The following FARP1 variants were observed in gnomAD, a reference collection of about 807,000 sequenced individuals.
FARP1 encodes the protein FERM, ARH/RhoGEF and pleckstrin domain protein 1.
In FARP1, 52 loss-of-function variants were observed where a neutral mutation model predicts 128.8. The observed-to-expected ratio is 0.40, with a 90% CI of 0.32 to 0.51. FARP1 has a LOEUF of 0.51. Ranked by LOEUF, FARP1 falls within the 20% of genes least tolerant of loss-of-function variation. The pLI, the probability that FARP1 is intolerant of heterozygous loss-of-function variation, is 0.45. For missense variants in FARP1, 1,333 were observed against 1,367.9 expected, an observed-to-expected ratio of 0.97 and a Z score of 0.40; for synonymous variants, 580 against 551.8, an observed-to-expected ratio of 1.05 and a Z score of -0.72.
chr13:98,272,611 C>A (rs931008624), intron 2 of FARP1, among the ~76,000 whole-genome samples: 2 of 152,068 alleles, frequency 1.3e-5, no homozygotes, highest in African/African-American at 4.8e-5. Context: ...TTTGCCAGCT[C>A]TAAAATCAGT....
intron 3 of FARP1, among the ~76,000 whole-genome samples, chr13:98,353,202 C>T (rs182981767): frequency 2.7e-4 from 41 of 152,072 alleles, no homozygotes; most frequent in African/African-American, 9.4e-4. Context: ...GGCAAAATAA[C>T]ACATTACAGA....
At chr13:98,398,123 T>C (rs1163806608) in intron 13 of FARP1, 1 of 152,180 alleles carries the variant, frequency 6.6e-6, no homozygotes, top group Non-Finnish European at 1.5e-5. Flanking sequence ...GAGGATCGGC[T>C]CGTCTCATTG....
chr13:98,191,697 C>T (rs550703636), intron 1 of FARP1, among the ~76,000 whole-genome samples: 136 of 152,248 alleles, frequency 8.9e-4, no homozygotes, highest in Non-Finnish European at 4.1e-4. Context: ...AATCCCAGCA[C>T]TTTGGGAGGC....
intron 2 of FARP1, chr13:98,340,992 A>G (rs181636332): frequency 6.6e-6 from 1 of 152,328 alleles, no homozygotes; most frequent in Non-Finnish European, 1.5e-5. Flanking sequence ...ACGCAGTCAC[A>G]TGTGACTCCT....
At chr13:98,402,386 G>T (rs1432186391) in intron 13 of FARP1, 3 of 152,434 alleles carry the variant, frequency 2.0e-5, no homozygotes, top group Admixed American at 6.5e-5. Context: ...TGGTGTGGGG[G>T]TTGTGAGGGA....
At chr13:98,370,058 A>T (rs181513798) in intron 5 of FARP1, among the ~76,000 whole-genome samples, 14 of 152,386 alleles carry the variant, frequency 9.2e-5, no homozygotes, top group East Asian at 7.7e-4. Context: ...ACAAGATAAT[A>T]TCAGATAGCG....
At chr13:98,146,234 AT>A (rs58173313) in intron 1 of FARP1, among the ~76,000 whole-genome samples, 96,136 of 150,818 alleles carry the variant, frequency 0.64, 30,661 homozygotes, top group East Asian at 0.79. Context: ...TACTTGCCTG[AT>A]TTTTTTTTTT....
chr13:98,408,129 A>G (rs1167129590), intron 13 of FARP1, among the ~76,000 whole-genome samples: 1 of 152,176 alleles, frequency 6.6e-6, no homozygotes, highest in Non-Finnish European at 1.5e-5. Context: ...TGCTTACCTC[A>G]TATTAGCTCT....
chr13:98,179,512 T>A (rs1878350973), intron 1 of FARP1, among the ~76,000 whole-genome samples: 1 of 152,116 alleles, frequency 6.6e-6, no homozygotes, highest in African/African-American at 2.4e-5. Flanking sequence ...GCTGCCAGAA[T>A]TCTGTGATAA....
chr13:98,330,380 T>G (rs1298279577), intron 2 of FARP1, among the ~76,000 whole-genome samples: 3 of 152,120 alleles, frequency 2.0e-5, no homozygotes, highest in Admixed American at 2.0e-4. Context: ...GAGAAGCTAT[T>G]TGGAAATTGT....
At chr13:98,306,216 C>T (rs1458737780) in intron 2 of FARP1, among the ~76,000 whole-genome samples, 1 of 152,214 alleles carries the variant, frequency 6.6e-6, no homozygotes, top group Non-Finnish European at 1.5e-5. Context: ...TGTGATTTAA[C>T]TAAACCAGAG....
intron 2 of FARP1, among the ~76,000 whole-genome samples, chr13:98,218,585 C>T (rs1881233592): frequency 6.6e-6 from 1 of 152,142 alleles, no homozygotes; most frequent in South Asian, 2.1e-4. Flanking sequence ...CCCCCAAAGC[C>T]TGATTAGACA....
chr13:98,388,936 A>G (rs1276908238), intron 9 of FARP1, among the ~76,000 whole-genome samples: 8 of 152,116 alleles, frequency 5.3e-5, no homozygotes, highest in Admixed American at 5.2e-4. Flanking sequence ...TTCCCCACTT[A>G]CTTCCCACAA....
intron 1 of FARP1, among the ~76,000 whole-genome samples, chr13:98,165,682 A>T (rs1329570511): frequency 2.2e-4 from 2 of 9,080 alleles, no homozygotes; most frequent in Non-Finnish European, 0.059. Flanking sequence ...TCATCATTAA[A>T]AAAAAAAAAA....
In FARP1 at chr13:98,224,134, G is replaced by A. The variant is rs569502537; in HGVS notation, c.171+10721G>A. On this transcript the variant is annotated intron_variant, in intron 2 of 26. Transcript: ENST00000319562. ...AGCAAGACCAGAGGGCATTTGTGGAGTTGTTAGGTTATCACAACAATACCT... is the reference window on the plus strand; with the variant it reads ...AGCAAGACCAGAGGGCATTTGTGGAATTGTTAGGTTATCACAACAATACCT... 8.3e-4 allele frequency among the ~76,000 whole-genome samples: 126 copies of A among 152,320 alleles called. 1 individual carries two copies. The South Asian group carries it at 0.024, about 29-fold the overall frequency.
chr13:98,414,251 A>T lies in FARP1; in HGVS notation c.1826+2217A>T, dbSNP rs117600657. Among the ~76,000 whole-genome samples, 888 of 152,356 alleles carry T rather than the reference A, an allele frequency of 5.8e-3. 4 individuals are homozygous for T. The highest frequency in any genetic ancestry group is 7.7e-3 in the Non-Finnish European group (521 of 68,028). On this transcript the variant is annotated intron_variant, in intron 16 of 26. Coordinates refer to ENST00000319562, the MANE Select transcript of FARP1 (RefSeq NM_005766.4). ...TGTAACCCATGTTTTACAGAAAGAC[A>T]TCAGAAGCATGTAAAGTTCTCAAAG... is the stretch of plus-strand genomic sequence containing the variant.
intron 6 of FARP1, chr13:98,383,953 G>C (rs1420295321): frequency 6.6e-6 from 1 of 152,110 alleles, no homozygotes; most frequent in Admixed American, 6.6e-5. Context: ...TGCACCCACT[G>C]ACGTTCCTCT....
In FARP1 at chr13:98,393,275, T is replaced by G. The variant is rs189911251; in HGVS notation, c.1089-368T>G. Reference sequence around the variant, plus strand: ...AAGTACATGAATTGATTTCATATTGTCAGACCATAGCTTGCTATTCAGAGC... The same window carrying G: ...AAGTACATGAATTGATTTCATATTGGCAGACCATAGCTTGCTATTCAGAGC... On this transcript the variant is annotated intron_variant, in intron 11 of 26. Transcript: ENST00000319562. Among the ~76,000 whole-genome samples, 374 of 152,354 alleles carry G rather than the reference T, an allele frequency of 2.5e-3. 2 individuals are homozygous for G. The highest frequency in any genetic ancestry group is 5.1e-3 in the Admixed American group (78 of 15,310).
At chr13:98,271,576 G>A (rs191051489) in intron 2 of FARP1, among the ~76,000 whole-genome samples, 24 of 151,916 alleles carry the variant, frequency 1.6e-4, no homozygotes, top group Non-Finnish European at 2.2e-4. Flanking sequence ...CCCACCCCTC[G>A]ACAGGCCCCA....
Sources: allele counts gnomAD v4.1 joint callset (sites outside exome capture counted in the v4.1 genomes callset), GRCh38; gene constraint gnomAD v4.1.1; transcripts MANE v1.5; gene names NCBI Gene and HGNC (gene_info 2026-07-23, HGNC 2026-07-21).